CDH19: variants seen among roughly 807,000 people sequenced by gnomAD.
The protein encoded by CDH19 is cadherin-19.
CDH19 carries 67 observed loss-of-function variants against 64.2 expected under a neutral mutation model. That is an observed-to-expected ratio of 1.04 (90% CI 0.86 to 1.28). The LOEUF is 1.28. Among genes scored for constraint, CDH19 ranks in the 50% most tolerant of loss-of-function variants. CDH19 has a pLI of 0.00. For missense variants in CDH19, 1,030 were observed against 929.0 expected (o/e 1.11, Z -1.41); for synonymous variants, 346 against 319.3 (o/e 1.08, Z -0.89).
intron 9 of CDH19, among the ~76,000 whole-genome samples, chr18:66,529,597 T>C (rs479452): frequency 6.7e-6 from 1 of 148,604 alleles, no homozygotes; most frequent in Non-Finnish European, 1.5e-5. Context: ...AATTTTTTGA[T>C]GTTTTAAAAT....
intron 11 of CDH19, among the ~76,000 whole-genome samples, chr18:66,508,117 A>G (rs1000796447): frequency 2.0e-5 from 3 of 151,926 alleles, no homozygotes; most frequent in Admixed American, 6.6e-5. Flanking sequence ...ACTAGATAAC[A>G]TTATACTAAA....
intron 3 of CDH19, among the ~76,000 whole-genome samples, chr18:66,565,614 G>C (rs17799542): frequency 6.6e-6 from 1 of 151,658 alleles, no homozygotes; most frequent in African/African-American, 2.4e-5. Context: ...AAAACCCGCA[G>C]TATTCATTAA....
At chr18:66,518,330 T>TC (rs1985829336) in intron 9 of CDH19, among the ~76,000 whole-genome samples, 1 of 151,986 alleles carries the variant, frequency 6.6e-6, no homozygotes, top group Non-Finnish European at 1.5e-5. Context: ...TCCTCCCAGG[T>TC]TCAAGCGATT....
chr18:66,503,835 T>C lies in CDH19; in HGVS notation c.*977A>G, dbSNP rs1274340864. ...GTGCTCTTGGCAAAGTTTTAAAATA[T>C]CAAACTAGAATGAATCATGGCATCT... is the stretch of plus-strand genomic sequence containing the variant. On this transcript the variant is annotated 3_prime_UTR_variant, in exon 12 of 12. Transcript: ENST00000262150. 1.3e-5 allele frequency: 2 copies of C among 151,940 alleles called. No individual in the cohort carries two copies. The highest frequency in any genetic ancestry group is 4.8e-5 in the African/African-American group (2 of 41,452). The allele number at this position is 151,940 out of a possible 1,614,324, so 9.4% of individuals were successfully genotyped here.
At chr18:66,602,997 C>A (rs570010029) in intron 1 of CDH19, among the ~76,000 whole-genome samples, 22 of 151,102 alleles carry the variant, frequency 1.5e-4, no homozygotes, top group African/African-American at 5.1e-4. Context: ...ACATCTAAAA[C>A]ATAAATATAT....
At chr18:66,596,532 A>T (rs988392896) in intron 1 of CDH19, among the ~76,000 whole-genome samples, 5 of 152,130 alleles carry the variant, frequency 3.3e-5, no homozygotes, top group Admixed American at 1.3e-4. Context: ...AGCCAAATCA[A>T]GACCACAATC....
At chr18:66,531,011 T>C (rs1157772220) in intron 8 of CDH19, among the ~76,000 whole-genome samples, 1 of 152,138 alleles carries the variant, frequency 6.6e-6, no homozygotes, top group Non-Finnish European at 1.5e-5. Flanking sequence ...AGAAGAATGA[T>C]GGTTTAGCCC....
rs181289639 is a variant in CDH19, at chr18:66,514,451, G to A, written c.1459-2766C>T. Among the ~76,000 whole-genome samples, 57 of 151,426 alleles carry A rather than the reference G, an allele frequency of 3.8e-4. 1 individual carries two copies. The highest frequency in any genetic ancestry group is 3.7e-3 in the Admixed American group (56 of 15,166). Reference sequence around the variant, plus strand: ...AGAAAGGGAAGATTTTCTAGGGTAAGAGTACAGCCAATGAGCTAATACTCA... The same window carrying A: ...AGAAAGGGAAGATTTTCTAGGGTAAAAGTACAGCCAATGAGCTAATACTCA... On this transcript the variant is annotated intron_variant, in intron 9 of 11. Coordinates refer to ENST00000262150, the MANE Select transcript of CDH19 (RefSeq NM_021153.4).
intron 2 of CDH19, among the ~76,000 whole-genome samples, chr18:66,571,519 A>C (rs576508949): frequency 1.3e-5 from 2 of 151,820 alleles, no homozygotes; most frequent in African/African-American, 4.8e-5. Context: ...TCTTTTAAGA[A>C]AGTGAACATA....
At chr18:66,581,107 C>T (rs1988409219) in intron 1 of CDH19, among the ~76,000 whole-genome samples, 1 of 152,062 alleles carries the variant, frequency 6.6e-6, no homozygotes, top group African/African-American at 2.4e-5. Flanking sequence ...ATCTACCTAA[C>T]ATTTCAGTAT....
rs560599069 is a variant in CDH19 at position 66,588,364 on chromosome 18, G to T, written c.-113+15590C>A. Among the ~76,000 whole-genome samples, 5 of 152,108 alleles carry T rather than the reference G, an allele frequency of 3.3e-5. 1 individual carries two copies. The South Asian group carries it at 1.0e-3, about 32-fold the overall frequency. On this transcript the variant is annotated intron_variant, in intron 1 of 11. Coordinates refer to ENST00000262150, the MANE Select transcript of CDH19 (RefSeq NM_021153.4). The stretch of plus-strand genomic sequence containing the variant: ...ACAAATTATTGTAAAATGAAGATTT[G>T]TAAAGTACATGATCATCATACAAAT...
intron 1 of CDH19, among the ~76,000 whole-genome samples, chr18:66,602,101 T>C (rs1412109219): frequency 6.6e-6 from 1 of 151,976 alleles, no homozygotes; most frequent in Non-Finnish European, 1.5e-5. Context: ...TTCACCAGCA[T>C]GGTTCTCAAA....
chr18:66,533,434 C>A, intron 8 of CDH19, among the ~76,000 whole-genome samples: 1 of 152,018 alleles, frequency 6.6e-6, no homozygotes, highest in East Asian at 1.9e-4. Context: ...TACATCATCA[C>A]AGAATATCTT....
intron 1 of CDH19, among the ~76,000 whole-genome samples, chr18:66,577,505 G>T (rs1370082958): frequency 1.3e-5 from 2 of 151,912 alleles, no homozygotes; most frequent in Non-Finnish European, 2.9e-5. Context: ...TAAAACACCT[G>T]AGTATTCACT....
chr18:66,536,126 A>G (rs1168098688), intron 7 of CDH19, among the ~76,000 whole-genome samples: 1 of 151,352 alleles, frequency 6.6e-6, no homozygotes, highest in Non-Finnish European at 1.5e-5. Flanking sequence ...ATTAATAATA[A>G]AAATTAAAGA....
intron 5 of CDH19, among the ~76,000 whole-genome samples, chr18:66,547,868 C>T (rs1335213327): frequency 1.4e-5 from 2 of 142,546 alleles, no homozygotes; most frequent in Non-Finnish European, 3.0e-5. Flanking sequence ...GGGGTTTCAC[C>T]GTTTTAGCCG....
At chr18:66,582,353 T>TA (rs1377646270) in intron 1 of CDH19, among the ~76,000 whole-genome samples, 1 of 151,894 alleles carries the variant, frequency 6.6e-6, no homozygotes, top group Non-Finnish European at 1.5e-5. Context: ...TGTGATCTCT[T>TA]AAAAAATCAA....
intron 9 of CDH19, among the ~76,000 whole-genome samples, chr18:66,516,347 T>A (rs563877622): frequency 7.6e-4 from 115 of 152,120 alleles, no homozygotes; most frequent in African/African-American, 2.3e-3. Context: ...TGCTTGGTAA[T>A]CAAAATCACT....
At chr18:66,521,916 C>CTGTTTTTGT (rs775775092) in intron 9 of CDH19, among the ~76,000 whole-genome samples, 2,886 of 111,500 alleles carry the variant, frequency 0.026, 48 homozygotes, top group South Asian at 0.072. Context: ...GTTACTTGTT[C>CTGTTTTTGT]TGTTGTTGTT....
Sources: allele counts gnomAD v4.1 joint callset (sites outside exome capture counted in the v4.1 genomes callset), GRCh38; gene constraint gnomAD v4.1.1; transcripts MANE v1.5; gene names NCBI Gene and HGNC (gene_info 2026-07-23, HGNC 2026-07-21).